The following ARNT2 variants were observed in gnomAD, a reference collection of about 807,000 sequenced individuals.
ARNT2 encodes the protein aryl hydrocarbon receptor nuclear translocator 2.
A neutral mutation model predicts 91.7 loss-of-function variants in ARNT2; 36 were observed. That is an observed-to-expected ratio of 0.39 (90% CI 0.30 to 0.52). The LOEUF (loss-of-function observed/expected upper bound fraction) is 0.52, where lower values mean the gene tolerates loss of function less well. Among genes scored for constraint, ARNT2 ranks in the 20% least tolerant of loss-of-function variants. The probability of loss-of-function intolerance (pLI) is 0.72; values close to 1 mark genes in which losing one functional copy is unlikely to be tolerated. For synonymous variants in ARNT2, 365 were observed against 347.1 expected (o/e 1.05, Z -0.57); for missense variants, 775 against 939.3 (o/e 0.83, Z 2.29).
At chr15:80,539,164 G>C (rs1011234130) in intron 8 of ARNT2, among the ~76,000 whole-genome samples, 4 of 152,038 alleles carry the variant, frequency 2.6e-5, no homozygotes, top group African/African-American at 9.7e-5. Context: ...AGAAAAGTTA[G>C]AAAGTAGACT....
At chr15:80,534,759 C>T (rs1005431620) in intron 8 of ARNT2, among the ~76,000 whole-genome samples, 8 of 152,214 alleles carry the variant, frequency 5.3e-5, no homozygotes, top group South Asian at 4.1e-4. Flanking sequence ...CTGCAGTGGA[C>T]GTCCTCGCAT....
At chr15:80,539,119 T>G (rs576203702) in intron 8 of ARNT2, among the ~76,000 whole-genome samples, 6 of 152,004 alleles carry the variant, frequency 3.9e-5, no homozygotes, top group Non-Finnish European at 8.8e-5. Flanking sequence ...CTTGAAAGCT[T>G]TATGGGCAAA....
chr15:80,482,223 C>G (rs1367613360), intron 5 of ARNT2, among the ~76,000 whole-genome samples: 1 of 152,202 alleles, frequency 6.6e-6, no homozygotes, highest in Non-Finnish European at 1.5e-5. Context: ...TTGCATGTTT[C>G]TAGCACGTTT....
chr15:80,533,178 C>T lies in ARNT2; in HGVS notation c.878-18021C>T, dbSNP rs151212396. Among the ~76,000 whole-genome samples the T allele has an allele frequency of 8.8e-3, 1,334 of 152,278 alleles. 17 individuals carry two copies. The highest frequency in any genetic ancestry group is 0.031 in the African/African-American group (1,276 of 41,546). On this transcript the variant is annotated intron_variant, in intron 8 of 18. Transcript: ENST00000303329. ...ACAGAGCCCACAAGAGGTAGACAGC[C>T]AAGGGCGAGGATGGAATACAGTTCT...
In ARNT2 at chr15:80,597,569, G is replaced by T. The variant is rs540394020; in HGVS notation, c.*3871G>T. The T allele has an allele frequency of 4.4e-6, 1 of 226,520 alleles. No individual in the cohort carries two copies. The highest frequency in any genetic ancestry group is 2.3e-5 in the African/African-American group (1 of 43,856). The allele number at this position is 226,520 out of a possible 1,614,324, so 14.0% of individuals were successfully genotyped here. A position where few individuals can be genotyped will look rare whatever the true frequency, so the allele number is the denominator to read the frequency against. On this transcript the variant is annotated 3_prime_UTR_variant, in exon 19 of 19. Transcript: ENST00000303329. ...CCAAGCGTAGGTGTCCCTGGCTTTT[G>T]TGGCCAAAGCTAGTGTTATGGTCAA...
rs548506463 is a variant in ARNT2 at position 80,527,694 on chromosome 15, T to C, written c.877+13289T>C. On this transcript the variant is annotated intron_variant, in intron 8 of 18. Coordinates refer to ENST00000303329, the MANE Select transcript of ARNT2 (RefSeq NM_014862.4). ...GTCACTCTTACCATCTCCATGAGGA[T>C]TGGAATAGTGAAGAAATCAGCCCAG... Among the ~76,000 whole-genome samples, 3 of 152,306 alleles carry C rather than the reference T, an allele frequency of 2.0e-5. No individual in the cohort carries two copies. The East Asian group carries it at 5.8e-4, about 29-fold the overall frequency.
At chr15:80,574,324 C>A in intron 13 of ARNT2, 104 bp downstream of exon 13, 1 of 1,103,578 alleles carries the variant, frequency 9.1e-7, no homozygotes, top group Non-Finnish European at 1.4e-6. Context: ...AAAGGATTGC[C>A]CCATCCCCCC....
intron 1 of ARNT2, among the ~76,000 whole-genome samples, chr15:80,445,889 C>G (rs1181748862): frequency 6.6e-6 from 1 of 152,030 alleles, no homozygotes; most frequent in Admixed American, 6.6e-5. Context: ...CCTTCTGCCC[C>G]CTCTGCCCCT....
At chr15:80,438,356 G>A (rs1162470192) in intron 1 of ARNT2, among the ~76,000 whole-genome samples, 5 of 152,182 alleles carry the variant, frequency 3.3e-5, no homozygotes, top group Non-Finnish European at 5.9e-5. Flanking sequence ...GTTATGGTGT[G>A]ATATGGGAGG....
At chr15:80,549,981 G>A (rs1384600344) in intron 8 of ARNT2, among the ~76,000 whole-genome samples, 1 of 152,164 alleles carries the variant, frequency 6.6e-6, no homozygotes, top group Admixed American at 6.5e-5. Flanking sequence ...ATAAATCATG[G>A]CACATCAATA....
intron 1 of ARNT2, among the ~76,000 whole-genome samples, chr15:80,429,167 G>A (rs929607877): frequency 1.3e-5 from 2 of 152,200 alleles, no homozygotes; most frequent in Non-Finnish European, 2.9e-5. Flanking sequence ...AATCTCTGGA[G>A]TGATAAGAGT....
rs1170256605 is a variant in ARNT2, at chr15:80,470,337, T to A, written c.314T>A (p.Ile105Asn). The stretch of plus-strand genomic sequence containing the variant: ...GCTCGGAAGCCAGACAAGCTCACCA[T>A]CCTCCGCATGGCCGTCTCGCACATG... Reference protein sequence around the residue: ...ALARKPDKLTILRMAVSHMKS... With the variant: ...ALARKPDKLTNLRMAVSHMKS... The change falls in exon 4 of 19, where the codon ATC becomes AAC. Residue 105 changes from isoleucine to asparagine, a missense_variant. Transcript: ENST00000303329. 1.2e-6 allele frequency: 2 copies of A among 1,613,984 alleles called. No homozygotes were observed. The highest frequency in any genetic ancestry group is 2.7e-5 in the African/African-American group (2 of 74,884).
In ARNT2 at chr15:80,512,762, C is replaced by T. The variant is rs555163550; in HGVS notation, c.726-1149C>T. 9.8e-5 allele frequency among the ~76,000 whole-genome samples: 15 copies of T among 152,298 alleles called. 1 individual carries two copies. In the South Asian group the frequency reaches 2.9e-3, roughly 30 times the overall value. On this transcript the variant is annotated intron_variant, in intron 6 of 18. Transcript: ENST00000303329. ...TTCCATTAGCCCATAAAGCCATTAT[C>T]ACTGCCCCGTCAATGAAATTCATGC...
intron 3 of ARNT2, among the ~76,000 whole-genome samples, chr15:80,465,907 AG>A (rs1257024332): frequency 6.6e-6 from 1 of 152,174 alleles, no homozygotes; most frequent in Non-Finnish European, 1.5e-5. Flanking sequence ...GAAACCACAC[AG>A]GGATTGTGTT....
At position 80,593,724 on chromosome 15, in the gene ARNT2, G is replaced by A. The variant is rs1432698764; in HGVS notation, c.*26G>A. On this transcript the variant is annotated 3_prime_UTR_variant, in exon 19 of 19. Coordinates refer to ENST00000303329, the MANE Select transcript of ARNT2 (RefSeq NM_014862.4). ...CTGCGGCCAGAGTGAGGCTCCTGCT[G>A]TACAGTGCCACCCATACTGTGATGT... 1.3e-6 allele frequency: 2 copies of A among 1,569,024 alleles called. No homozygotes were observed. Among genetic ancestry groups the A allele is most frequent in the Non-Finnish European group, 1.7e-6 (2 of 1,149,504 alleles).
At chr15:80,497,352 G>C (rs1232853283) in intron 5 of ARNT2, among the ~76,000 whole-genome samples, 1 of 152,232 alleles carries the variant, frequency 6.6e-6, no homozygotes, top group Non-Finnish European at 1.5e-5. Flanking sequence ...ACCATTGCTG[G>C]CTTTGAAGTT....
intron 8 of ARNT2, among the ~76,000 whole-genome samples, chr15:80,533,622 A>G (rs1897776827): frequency 6.6e-6 from 1 of 152,238 alleles, no homozygotes; most frequent in African/African-American, 2.4e-5. Context: ...GAAGCATGTC[A>G]TGGTTTCTGT....
At chr15:80,466,136 C>T (rs574243510) in intron 3 of ARNT2, among the ~76,000 whole-genome samples, 15 of 152,328 alleles carry the variant, frequency 9.8e-5, no homozygotes, top group African/African-American at 9.6e-5. Flanking sequence ...GGAGACTCAA[C>T]GGCTGTCAGC....
Position 80,469,326 on chromosome 15 carries a change from ATAAGCCAGGGGTG to A in ARNT2, c.195-889_195-877del, listed in dbSNP as rs1257487068. On this transcript the variant is annotated intron_variant, in intron 3 of 18. Coordinates refer to ENST00000303329, the MANE Select transcript of ARNT2 (RefSeq NM_014862.4). ...TTTTAAATTGGCTATTTATTGTTTC[ATAAGCCAGGGGTG>A]TACCTGTTTTGTTACTATGCTGCAG... Among the ~76,000 whole-genome samples the A allele has an allele frequency of 6.6e-5, 10 of 152,228 alleles. No homozygotes were observed. In the East Asian group the frequency reaches 1.9e-3, roughly 29 times the overall value.
Sources: allele counts gnomAD v4.1 joint callset (sites outside exome capture counted in the v4.1 genomes callset), GRCh38; gene constraint gnomAD v4.1.1; transcripts MANE v1.5; gene names NCBI Gene and HGNC (gene_info 2026-07-23, HGNC 2026-07-21).